The following FRMPD2 variants were observed in gnomAD, a reference collection of about 807,000 sequenced individuals.
FRMPD2 encodes FERM and PDZ domain containing 2.
FRMPD2 carries 96 observed loss-of-function variants against 140.1 expected under a neutral mutation model. That is an observed-to-expected ratio of 0.69 (90% confidence interval 0.58 to 0.81). The LOEUF (loss-of-function observed/expected upper bound fraction) is 0.81. Ranked by LOEUF, FRMPD2 falls within the 40% of genes least tolerant of loss-of-function variation. The probability of loss-of-function intolerance (pLI) is 0.00; values close to 1 mark genes in which losing one functional copy is unlikely to be tolerated. For synonymous variants in FRMPD2, 449 were observed against 547.6 expected (o/e 0.82, Z 2.52); for missense variants, 1,240 against 1,447.4 (o/e 0.86, Z 2.32).
At chr10:48,229,273 C>A (rs1175993242) in intron 10 of FRMPD2, among the ~76,000 whole-genome samples, 1 of 152,008 alleles carries the variant, frequency 6.6e-6, no homozygotes, top group African/African-American at 2.4e-5. Context: ...TAAGTTTTGA[C>A]CATTATGTAT....
At chr10:48,269,618 G>GC (rs924371377) in intron 1 of FRMPD2, among the ~76,000 whole-genome samples, 3 of 152,204 alleles carry the variant, frequency 2.0e-5, no homozygotes, top group African/African-American at 7.2e-5. Context: ...TGGGTTCCCA[G>GC]CCTAATGCAG....
intron 8 of FRMPD2, among the ~76,000 whole-genome samples, chr10:48,236,980 G>A (rs534806034): frequency 3.2e-4 from 49 of 152,136 alleles, no homozygotes; most frequent in African/African-American, 5.8e-4. Flanking sequence ...TAGCTTAGTG[G>A]GCACCTCTTG....
intron 16 of FRMPD2, among the ~76,000 whole-genome samples, chr10:48,187,582 G>A (rs113650986): frequency 3.2e-4 from 49 of 152,302 alleles, no homozygotes; most frequent in African/African-American, 8.7e-4. Context: ...TGCAAGATAC[G>A]TGATCCTGTA....
chr10:48,261,496 C>T (rs1314605613), intron 1 of FRMPD2, among the ~76,000 whole-genome samples: 2 of 151,986 alleles, frequency 1.3e-5, no homozygotes, highest in East Asian at 1.9e-4. Flanking sequence ...GATCGTAGGA[C>T]GTAATATTTA....
intron 8 of FRMPD2, 101 bp from the exon 9 acceptor site, chr10:48,236,654 A>G: frequency 9.3e-7 from 1 of 1,078,196 alleles, no homozygotes; most frequent in Non-Finnish European, 1.4e-6. Flanking sequence ...ACCAGCATAC[A>G]TTCCCCAGAG....
At chr10:48,193,050 AG>A (rs1400545546) in intron 15 of FRMPD2, 156 bp from the exon 16 acceptor site, 45 of 629,562 alleles carry the variant, frequency 7.1e-5, no homozygotes, top group Non-Finnish European at 1.1e-4. Context: ...TGGGAATGCA[AG>A]GTCTCCTAAT....
intron 20 of FRMPD2, among the ~76,000 whole-genome samples, chr10:48,182,001 G>A (rs1299854234): frequency 4.0e-5 from 6 of 151,650 alleles, no homozygotes; most frequent in African/African-American, 1.5e-4. Flanking sequence ...ATATATGTGG[G>A]AGGAATGAAT....
intron 1 of FRMPD2, among the ~76,000 whole-genome samples, chr10:48,265,539 A>C (rs1840663389): frequency 6.6e-6 from 1 of 152,220 alleles, no homozygotes; most frequent in Admixed American, 6.5e-5. Flanking sequence ...AAACAACCCC[A>C]TTAAAAAGTG....
At chr10:48,211,024 C>T (rs1213069052) in intron 13 of FRMPD2, among the ~76,000 whole-genome samples, 4 of 152,380 alleles carry the variant, frequency 2.6e-5, no homozygotes, top group East Asian at 1.9e-4. Flanking sequence ...CCACTCTCTC[C>T]CTGGTCCCCA....
At chr10:48,243,215 T>C (rs1440326896) in intron 4 of FRMPD2, among the ~76,000 whole-genome samples, 1 of 152,040 alleles carries the variant, frequency 6.6e-6, no homozygotes, top group Non-Finnish European at 1.5e-5. Context: ...AGAGAGACGG[T>C]CACTAAAAGA....
At chr10:48,174,110 CG>C (rs781881249) in intron 24 of FRMPD2, among the ~76,000 whole-genome samples, 11 of 152,168 alleles carry the variant, frequency 7.2e-5, no homozygotes, top group Admixed American at 3.9e-4. Context: ...ACCAGAAAAC[CG>C]CTTTGGGAAA....
intron 24 of FRMPD2, among the ~76,000 whole-genome samples, chr10:48,174,421 C>T (rs1838350909): frequency 6.6e-6 from 1 of 152,212 alleles, no homozygotes; most frequent in Non-Finnish European, 1.5e-5. Context: ...GACCCACGCC[C>T]TGGTGGGTAC....
intron 1 of FRMPD2, among the ~76,000 whole-genome samples, chr10:48,261,309 G>C (rs753025365): frequency 6.6e-6 from 1 of 150,674 alleles, no homozygotes; most frequent in Non-Finnish European, 1.5e-5. Context: ...CATCAAGCAA[G>C]ATAAATAAAA....
At chr10:48,236,444 C>T (rs1373319791) in intron 9 of FRMPD2, 38 bp downstream of exon 9, 3 of 1,597,612 alleles carry the variant, frequency 1.9e-6, no homozygotes, top group Non-Finnish European at 2.6e-6. Context: ...ACTTCCCTCG[C>T]CACCCTCCAT....
At chr10:48,226,029 A>G (rs1184424427) in intron 10 of FRMPD2, among the ~76,000 whole-genome samples, 4 of 152,214 alleles carry the variant, frequency 2.6e-5, no homozygotes, top group Non-Finnish European at 4.4e-5. Context: ...AATTGGCATC[A>G]CATAGACTTT....
chr10:48,192,783 G>C lies in FRMPD2; in HGVS notation c.2066C>G (p.Ser689Cys). ...LSCSENELFV[S>C]RLQGAAGGLL... ...GCCTCCTGCAGCACCCTGAAGCCTG[G>C]ATACAAACAACTCGTTTTCTGAGCA... is the stretch of plus-strand genomic sequence containing the variant. Residue 689 changes from serine (S) to cysteine (C), a missense_variant, in exon 16 of 29, where the codon TCC becomes TGC. Ser to Cys is a moderately radical substitution (Grantham distance 112, BLOSUM62 -1). Transcript: ENST00000374201. The C allele has an allele frequency of 6.2e-7, 1 of 1,614,048 alleles. No homozygotes were observed. Among genetic ancestry groups the C allele is most frequent in the Non-Finnish European group, 8.5e-7 (1 of 1,179,984 alleles).
chr10:48,244,958 G>A (rs1026829604), intron 3 of FRMPD2, 109 bp from the exon 4 acceptor site: 51 of 847,520 alleles, frequency 6.0e-5, no homozygotes, highest in East Asian at 2.6e-4. Context: ...GTTGTCTGGC[G>A]AGTCTAGCAC....
At chr10:48,204,553 C>T (rs76773154) in intron 14 of FRMPD2, among the ~76,000 whole-genome samples, 143 of 152,062 alleles carry the variant, frequency 9.4e-4, no homozygotes, top group African/African-American at 3.3e-3. Flanking sequence ...AATCAGGGTA[C>T]GCCATTAAAA....
At chr10:48,196,764 A>G (rs1838963083) in intron 15 of FRMPD2, among the ~76,000 whole-genome samples, 1 of 152,242 alleles carries the variant, frequency 6.6e-6, no homozygotes, top group South Asian at 2.1e-4. Context: ...TTTAAAAAGC[A>G]AGGGAACTTT....
Sources: allele counts gnomAD v4.1 joint callset (sites outside exome capture counted in the v4.1 genomes callset), GRCh38; gene constraint gnomAD v4.1.1; transcripts MANE v1.5; gene names NCBI Gene and HGNC (gene_info 2026-07-23, HGNC 2026-07-21).